The following FANCM variants were observed in gnomAD, a reference collection of about 807,000 sequenced individuals.
FANCM encodes FA complementation group M.
A neutral mutation model predicts 199.5 loss-of-function variants in FANCM; 140 were observed. That is an observed-to-expected ratio of 0.70 (90% CI 0.61 to 0.81). The LOEUF (loss-of-function observed/expected upper bound fraction) is 0.81. Among genes scored for constraint, FANCM ranks in the 30% least tolerant of loss-of-function variants. The pLI, the probability that FANCM is intolerant of heterozygous loss-of-function variation, is 0.00. For missense variants in FANCM, 2,410 were observed against 2,421.4 expected, an observed-to-expected ratio of 1.00 and a Z score of 0.10; for synonymous variants, 840 against 836.8, an observed-to-expected ratio of 1.00 and a Z score of -0.07.
At chr14:45,161,948 T>G (rs1887636407) in intron 9 of FANCM, among the ~76,000 whole-genome samples, 1 of 152,138 alleles carries the variant, frequency 6.6e-6, no homozygotes, top group African/African-American at 2.4e-5. Context: ...AAGTTCTGGA[T>G]GTATTTTGCA....
At chr14:45,160,319 T>C (rs1392383567) in intron 9 of FANCM, among the ~76,000 whole-genome samples, 3 of 133,200 alleles carry the variant, frequency 2.3e-5, no homozygotes, top group Admixed American at 7.4e-5. Flanking sequence ...TCTTCTTTTC[T>C]TTTTTTTTTT....
Position 45,183,823 on chromosome 14 carries a change from C to T in FANCM, c.4436C>T (p.Ser1479Leu). Residue 1479 changes from serine to leucine, a missense_variant, in exon 17 of 23, where the codon TCA (serine) becomes TTA (leucine). By Grantham distance (145) the Ser-to-Leu change is moderately radical (BLOSUM62 -2). Transcript: ENST00000267430. ...DESENFPKPC[S>L]QLEDFKVCNG... ...AGTGAGAATTTTCCCAAACCATGTT[C>T]ACAATTAGAAGACTTCAAGGTTTGT... The T allele has an allele frequency of 6.2e-7, 1 of 1,608,128 alleles. No homozygotes were observed. The highest frequency in any genetic ancestry group is 8.5e-7 in the Non-Finnish European group (1 of 1,174,956).
rs548624235 is a variant in FANCM, at chr14:45,173,200, G to A, written c.2306G>A (p.Arg769Lys). Residue 769 changes from arginine (R) to lysine (K), a missense_variant, in exon 13 of 23, where the codon AGA (arginine) becomes AAA (lysine). Arg to Lys is a conservative substitution (Grantham distance 26). Coordinates refer to ENST00000267430, the MANE Select transcript of FANCM (RefSeq NM_020937.4). ...IGLMQMIEGMRHEEGECSYEL... is the reference protein window; with the variant it reads ...IGLMQMIEGMKHEEGECSYEL... ...CTTATGCAAATGATAGAGGGAATGA[G>A]ACACGAAGAGGTGGGGTTTTATTGT... The A allele has an allele frequency of 9.9e-6, 16 of 1,613,698 alleles. No individual in the cohort carries two copies. The South Asian group carries it at 1.8e-4, about 18-fold the overall frequency.
intron 10 of FANCM, among the ~76,000 whole-genome samples, chr14:45,164,873 G>T (rs11845142): frequency 0.032 from 4,885 of 152,236 alleles, 281 homozygotes; most frequent in African/African-American, 0.11. Flanking sequence ...AAGAAGGCCT[G>T]TGCTTTGTGT....
chr14:45,169,653 G>A (rs566351064), intron 11 of FANCM, among the ~76,000 whole-genome samples: 5 of 151,748 alleles, frequency 3.3e-5, no homozygotes, highest in African/African-American at 4.8e-5. Flanking sequence ...CTCCCTCCTC[G>A]GCCTCCCAAG....
intron 9 of FANCM, among the ~76,000 whole-genome samples, chr14:45,160,732 G>A (rs1440213833): frequency 1.3e-5 from 2 of 151,796 alleles, no homozygotes; most frequent in Non-Finnish European, 2.9e-5. Flanking sequence ...TAATAGAGAC[G>A]GGGTTTCACC....
chr14:45,161,291 G>A (rs986412901), intron 9 of FANCM, among the ~76,000 whole-genome samples: 1 of 152,024 alleles, frequency 6.6e-6, no homozygotes, highest in Non-Finnish European at 1.5e-5. Context: ...ATTTTGAAAC[G>A]AGCTTGCAGG....
At chr14:45,143,324 A>G in intron 3 of FANCM, among the ~76,000 whole-genome samples, 1 of 151,862 alleles carries the variant, frequency 6.6e-6, no homozygotes, top group Non-Finnish European at 1.5e-5. Flanking sequence ...CTGCCACCAC[A>G]CCCAGCAAAT....
rs570823383 is a variant in FANCM, at chr14:45,163,735, C to T, written c.1582-624C>T. ...TAGGAGTGATTGCTGTAGGCCATTTCCCTGCCCTATTCCCCTTTCTGTGGT... is the reference window on the plus strand; with the variant it reads ...TAGGAGTGATTGCTGTAGGCCATTTTCCTGCCCTATTCCCCTTTCTGTGGT... On this transcript the variant is annotated intron_variant, in intron 9 of 22. Coordinates refer to ENST00000267430, the MANE Select transcript of FANCM (RefSeq NM_020937.4). Among the ~76,000 whole-genome samples, 4 of 152,280 alleles carry T rather than the reference C, an allele frequency of 2.6e-5. No individual in the cohort carries two copies. In the East Asian group the frequency reaches 5.8e-4, roughly 22 times the overall value.
rs1379494932 is a variant in FANCM at position 45,159,847 on chromosome 14, T to C, written c.1581+567T>C. On this transcript the variant is annotated intron_variant, in intron 9 of 22. Coordinates refer to ENST00000267430, the MANE Select transcript of FANCM (RefSeq NM_020937.4). Reference sequence around the variant, plus strand: ...ATGTTTTGAGGGAAATTTTACATTATTGATTTTTATAAAATCTATGCAGCT... The same window carrying C: ...ATGTTTTGAGGGAAATTTTACATTACTGATTTTTATAAAATCTATGCAGCT... Among the ~76,000 whole-genome samples the C allele has an allele frequency of 2.6e-5, 4 of 152,288 alleles. No individual in the cohort carries two copies. The South Asian group carries it at 6.2e-4, about 24-fold the overall frequency.
At position 45,138,404 on chromosome 14, in the gene FANCM, T is replaced by C. The variant is rs1885674741; in HGVS notation, c.681+1163T>C. 2.0e-5 allele frequency among the ~76,000 whole-genome samples: 3 copies of C among 152,200 alleles called. No homozygotes were observed. In the South Asian group the frequency reaches 6.2e-4, roughly 31 times the overall value. On this transcript the variant is annotated intron_variant, in intron 2 of 22. Transcript: ENST00000267430. ...TATATCTCTGTATTAGGGATAATTGTCATCTTTTTTAATAATTGATCTTCC... is the reference window on the plus strand; with the variant it reads ...TATATCTCTGTATTAGGGATAATTGCCATCTTTTTTAATAATTGATCTTCC...
chr14:45,186,116 A>T (rs770181702), intron 18 of FANCM, among the ~76,000 whole-genome samples: 2 of 151,786 alleles, frequency 1.3e-5, no homozygotes, highest in Non-Finnish European at 1.5e-5. Flanking sequence ...TTGGTCTCCA[A>T]CTCCAGGCCT....
intron 6 of FANCM, among the ~76,000 whole-genome samples, 196 bp downstream of exon 6, chr14:45,154,248 A>C (rs927688359): frequency 1.3e-5 from 2 of 152,046 alleles, no homozygotes; most frequent in African/African-American, 4.8e-5. Context: ...TAAAAATACA[A>C]AAATTAGCTG....
At chr14:45,182,723 A>G (rs1266853455) in intron 16 of FANCM, among the ~76,000 whole-genome samples, 1 of 152,218 alleles carries the variant, frequency 6.6e-6, no homozygotes, top group African/African-American at 2.4e-5. Flanking sequence ...GTAAAATTAC[A>G]GGTGCTTCTC....
At position 45,135,950 on chromosome 14, in the gene FANCM, A is replaced by C. The variant is rs1885449415; in HGVS notation, c.-82A>C. ...TCGTTCCAGAGTTTTGTGCGAAGGA[A>C]ACCGATGGGGATCGGAACCGTAGCG... On this transcript the variant is annotated 5_prime_UTR_variant, in exon 1 of 23. Coordinates refer to ENST00000267430, the MANE Select transcript of FANCM (RefSeq NM_020937.4). 1 of 1,491,292 alleles carries C rather than the reference A, an allele frequency of 6.7e-7. No homozygotes were observed. The highest frequency in any genetic ancestry group is 9.3e-7 in the Non-Finnish European group (1 of 1,074,016). 92.4% of individuals were successfully genotyped at this position (1,491,292 alleles called of 1,614,324 possible). A position where few individuals can be genotyped will look rare whatever the true frequency, so the allele number is the denominator to read the frequency against.
At chr14:45,172,888 T>G (rs1888429635) in intron 12 of FANCM, among the ~76,000 whole-genome samples, 167 bp from the exon 13 acceptor site, 1 of 152,236 alleles carries the variant, frequency 6.6e-6, no homozygotes, top group Non-Finnish European at 1.5e-5. Context: ...GGCATCTTTC[T>G]GCTTTATGAA....
At chr14:45,152,792 T>C (rs1447375742) in intron 5 of FANCM, among the ~76,000 whole-genome samples, 1 of 152,224 alleles carries the variant, frequency 6.6e-6, no homozygotes, top group African/African-American at 2.4e-5. Flanking sequence ...TGTGACTACA[T>C]GAGAGTAACT....
intron 20 of FANCM, chr14:45,195,517 T>C: frequency 2.2e-6 from 1 of 456,470 alleles, no homozygotes; most frequent in South Asian, 1.6e-5. Context: ...TCCCATGCCC[T>C]CTGCCTCTGC....
chr14:45,173,017 A>C (rs750485127), intron 12 of FANCM, 38 bp from the exon 13 acceptor site: 2 of 1,450,852 alleles, frequency 1.4e-6, no homozygotes, highest in Middle Eastern at 1.7e-4. Context: ...AAATCTCAGT[A>C]TGTTTTCATC....
Sources: allele counts gnomAD v4.1 joint callset (sites outside exome capture counted in the v4.1 genomes callset), GRCh38; gene constraint gnomAD v4.1.1; transcripts MANE v1.5; gene names NCBI Gene and HGNC (gene_info 2026-07-23, HGNC 2026-07-21).